FOXP2: variants seen among roughly 807,000 people sequenced by gnomAD.
FOXP2 encodes the protein forkhead box protein P2.
Under a neutral mutation model 115.8 loss-of-function variants are expected in FOXP2, and 12 were observed. That is an observed-to-expected ratio of 0.10 (90% CI 0.07 to 0.17). The LOEUF (loss-of-function observed/expected upper bound fraction) is 0.17. FOXP2 is among the 10% of genes least tolerant of loss of function. The probability of loss-of-function intolerance (pLI) is 1.00; values close to 1 mark genes in which losing one functional copy is unlikely to be tolerated. For synonymous variants in FOXP2, 328 were observed against 297.7 expected (o/e 1.10, Z -1.05); for missense variants, 629 against 843.5 (o/e 0.75, Z 3.15).
chr7:114,633,614 T>C (rs187344229), intron 6 of FOXP2, among the ~76,000 whole-genome samples: 5 of 152,318 alleles, frequency 3.3e-5, no homozygotes, highest in African/African-American at 1.2e-4. Context: ...GTTGTTGCCA[T>C]GTAAGCCACA....
At chr7:114,282,599 C>A (rs1366434778) in intron 1 of FOXP2, among the ~76,000 whole-genome samples, 3 of 152,104 alleles carry the variant, frequency 2.0e-5, no homozygotes, top group Admixed American at 6.6e-5. Flanking sequence ...TTAATACATT[C>A]ATTCAAGAAA....
intron 2 of FOXP2, among the ~76,000 whole-genome samples, chr7:114,457,059 A>G (rs1562937685): frequency 1.3e-5 from 2 of 152,180 alleles, no homozygotes; most frequent in South Asian, 2.1e-4. Flanking sequence ...TTGCAGATAT[A>G]TAGGATGAAT....
At chr7:114,323,600 C>A (rs543985266) in intron 2 of FOXP2, among the ~76,000 whole-genome samples, 3 of 151,886 alleles carry the variant, frequency 2.0e-5, no homozygotes, top group African/African-American at 7.2e-5. Flanking sequence ...GAGATACTTT[C>A]CAATTTGTCA....
intron 2 of FOXP2, among the ~76,000 whole-genome samples, chr7:114,358,950 G>C (rs1791679534): frequency 1.3e-5 from 2 of 152,136 alleles, no homozygotes; most frequent in African/African-American, 4.8e-5. Flanking sequence ...ATTCAAGCAG[G>C]CTGCAAAAAT....
chr7:114,606,862 G>A (rs895250433), intron 3 of FOXP2, among the ~76,000 whole-genome samples: 6 of 152,134 alleles, frequency 3.9e-5, no homozygotes, highest in African/African-American at 9.7e-5. Flanking sequence ...AGCCTTTCCT[G>A]TGCATTATCT....
Position 114,554,766 on chromosome 7 carries a change from C to A in FOXP2, c.258+20060C>A, listed in dbSNP as rs113087815. 8.6e-3 allele frequency among the ~76,000 whole-genome samples: 1,304 copies of A among 152,090 alleles called. 15 individuals carry two copies. The highest frequency in any genetic ancestry group is 0.03 in the African/African-American group (1,247 of 41,474). ...AAATTGCATTACATTTATTTTAATA[C>A]TAATTTTTTTTCATAGCATCTAGTT... On this transcript the variant is annotated intron_variant, in intron 3 of 16. Transcript: ENST00000350908.
intron 1 of FOXP2, among the ~76,000 whole-genome samples, chr7:114,142,603 T>A (rs958430720): frequency 2.0e-5 from 3 of 152,132 alleles, no homozygotes; most frequent in Admixed American, 2.0e-4. Context: ...TTATATTGAC[T>A]TAAACTCTTC....
intron 1 of FOXP2, among the ~76,000 whole-genome samples, chr7:114,276,783 G>T (rs536467636): frequency 6.6e-6 from 1 of 152,286 alleles, no homozygotes; most frequent in East Asian, 1.9e-4. Context: ...GATCTTGGAA[G>T]AATTGATTTT....
intron 2 of FOXP2, among the ~76,000 whole-genome samples, chr7:114,386,789 A>G (rs1458883560): frequency 6.6e-6 from 1 of 152,216 alleles, no homozygotes; most frequent in Admixed American, 6.5e-5. Context: ...AGGCATCTGC[A>G]TATCTTGCTA....
At chr7:114,570,958 TG>T (rs1467967733) in intron 3 of FOXP2, 8 of 1,252,328 alleles carry the variant, frequency 6.4e-6, no homozygotes, top group Non-Finnish European at 9.4e-6. Flanking sequence ...ATAGATTATA[TG>T]TGATTTTCTA....
intron 16 of FOXP2, among the ~76,000 whole-genome samples, chr7:114,682,600 G>A (rs1808147752): frequency 6.6e-6 from 1 of 152,072 alleles, no homozygotes; most frequent in Admixed American, 6.5e-5. Flanking sequence ...GAACACCACA[G>A]AAATATCCAC....
At chr7:114,332,220 G>A (rs748850792) in intron 2 of FOXP2, among the ~76,000 whole-genome samples, 1 of 151,984 alleles carries the variant, frequency 6.6e-6, no homozygotes, top group Non-Finnish European at 1.5e-5. Flanking sequence ...ATATGGACAC[G>A]TGCAGCTTTT....
intron 16 of FOXP2, chr7:114,665,849 T>C (rs1473716394): frequency 6.6e-6 from 1 of 152,106 alleles, no homozygotes; most frequent in Non-Finnish European, 1.5e-5. Context: ...CTATCAGCCA[T>C]GCAGTGGGTA....
At chr7:114,184,447 A>G (rs1793541084) in intron 1 of FOXP2, among the ~76,000 whole-genome samples, 2 of 152,130 alleles carry the variant, frequency 1.3e-5, no homozygotes, top group Non-Finnish European at 2.9e-5. Context: ...TTTTAGCTAT[A>G]GGACATTGGG....
chr7:114,507,550 G>A (rs552181241), intron 2 of FOXP2, among the ~76,000 whole-genome samples: 13 of 151,714 alleles, frequency 8.6e-5, no homozygotes, highest in East Asian at 5.8e-4. Context: ...TAATTTTTTC[G>A]CAAAAAAATG....
At chr7:114,191,514 G>A (rs1793760394) in intron 1 of FOXP2, among the ~76,000 whole-genome samples, 1 of 152,200 alleles carries the variant, frequency 6.6e-6, no homozygotes, top group African/African-American at 2.4e-5. Flanking sequence ...GCACAAATGT[G>A]TAGCGGGCAT....
At chr7:114,405,224 A>G (rs1198575195) in intron 2 of FOXP2, among the ~76,000 whole-genome samples, 3 of 151,908 alleles carry the variant, frequency 2.0e-5, no homozygotes, top group Non-Finnish European at 3.0e-5. Flanking sequence ...TGAAAAACAG[A>G]TATGTAATTT....
intron 3 of FOXP2, among the ~76,000 whole-genome samples, chr7:114,547,245 TTATC>T (rs1452820589): frequency 6.6e-6 from 1 of 152,344 alleles, no homozygotes; most frequent in African/African-American, 2.4e-5. Flanking sequence ...TTTTTTATCT[TTATC>T]TAAATATTTT....
At chr7:114,598,049 A>G (rs940711060) in intron 3 of FOXP2, among the ~76,000 whole-genome samples, 10 of 152,108 alleles carry the variant, frequency 6.6e-5, no homozygotes, top group Non-Finnish European at 1.0e-4. Context: ...TGTTCATGTT[A>G]TTTAAACAAT....
Sources: allele counts gnomAD v4.1 joint callset (sites outside exome capture counted in the v4.1 genomes callset), GRCh38; gene constraint gnomAD v4.1.1; transcripts MANE v1.5; gene names NCBI Gene and HGNC (gene_info 2026-07-23, HGNC 2026-07-21).